Variants in ALS2CL observed in about 807,000 individuals in gnomAD.
ALS2CL encodes ALS2 C-terminal-like protein.
Under a neutral mutation model 127.9 loss-of-function variants are expected in ALS2CL, and 112 were observed. That is an observed-to-expected ratio of 0.88 (90% CI 0.75 to 1.02). The LOEUF (loss-of-function observed/expected upper bound fraction) is 1.02, where lower values mean the gene tolerates loss of function less well. Ranked by LOEUF, ALS2CL falls within the 50% of genes least tolerant of loss-of-function variation. The pLI is 0.00. For missense variants in ALS2CL, 1,174 were observed against 1,236.7 expected, an observed-to-expected ratio of 0.95 and a Z score of 0.76; for synonymous variants, 519 against 527.6, an observed-to-expected ratio of 0.98 and a Z score of 0.22.
At position 46,686,032 on chromosome 3, in the gene ALS2CL, G is replaced by A. The variant is rs1055293516; in HGVS notation, c.666+276C>T. Among the ~76,000 whole-genome samples the A allele has an allele frequency of 7.9e-5, 12 of 152,312 alleles. No homozygotes were observed. Among genetic ancestry groups the A allele is most frequent in the Non-Finnish European group, 1.3e-4 (9 of 68,024 alleles). The stretch of plus-strand genomic sequence containing the variant: ...AGTCCATGCCATGGTGGGCAGTGAC[G>A]CAAGGGTGTGATCGGTGATATCCCC... On this transcript the variant is annotated intron_variant, in intron 6 of 25. Coordinates refer to ENST00000318962, the MANE Select transcript of ALS2CL (RefSeq NM_147129.5). The surrounding 1 kb of genome is among the most constrained non-coding windows in gnomAD (Gnocchi z 4.3).
rs76720862 is a variant in ALS2CL, at chr3:46,677,501, G to A, written c.1758-479C>T. 7.9e-3 allele frequency: 5,475 copies of A among 689,618 alleles called. 237 individuals are homozygous for A. The African/African-American group carries it at 0.098, about 12-fold the overall frequency. The allele number at this position is 689,618 out of a possible 1,614,324, so 42.7% of individuals were successfully genotyped here. A position where few individuals can be genotyped will look rare whatever the true frequency, so the allele number is the denominator to read the frequency against. On this transcript the variant is annotated intron_variant, in intron 16 of 25. Coordinates refer to ENST00000318962, the MANE Select transcript of ALS2CL (RefSeq NM_147129.5). Reference sequence around the variant, plus strand: ...CCAGTGTCATGCTCGTAGGCTACACGCAGCCCACACTCACACCCAGGCTGG... The same window carrying A: ...CCAGTGTCATGCTCGTAGGCTACACACAGCCCACACTCACACCCAGGCTGG...
At position 46,688,286 on chromosome 3, in the gene ALS2CL, G is replaced by A. The variant is rs768758021; in HGVS notation, c.114C>T (p.Pro38=). The A allele has an allele frequency of 3.1e-6, 5 of 1,612,458 alleles. No homozygotes were observed. In the African/African-American group the frequency reaches 6.7e-5, roughly 22 times the overall value. Residue 38 remains proline (P), a synonymous_variant, in exon 3 of 26, where the codon CCC becomes CCT. Transcript: ENST00000318962. ...LQPLLPAAPD[P]SDPWGRECLR... ...GGCACTCTCTGCCCCAGGGATCCGA[G>A]GGATCTGGGGCTGGGGAAGGAGTAC...
Position 46,687,667 on chromosome 3 carries a change from G to C in ALS2CL, c.320C>G (p.Thr107Arg). ...GAAGGCCTGCACCACCATGCAGCTT[G>C]TGTAGGACTCAATGTACCTGCAGGC... is the stretch of plus-strand genomic sequence containing the variant. ...QAHIEYIESY[T>R]SCMVVQAFQK... Residue 107 changes from threonine to arginine, a missense_variant, in exon 4 of 26, where the codon ACA (threonine) becomes AGA (arginine). Coordinates refer to ENST00000318962, the MANE Select transcript of ALS2CL (RefSeq NM_147129.5). 6.2e-7 allele frequency: 1 copy of C among 1,613,148 alleles called. No homozygotes were observed. Among genetic ancestry groups the C allele is most frequent in the Non-Finnish European group, 8.5e-7 (1 of 1,179,682 alleles).
rs1412279471 is a variant in ALS2CL at position 46,677,220 on chromosome 3, G to A, written c.1758-198C>T. On this transcript the variant is annotated intron_variant, in intron 16 of 25. Transcript: ENST00000318962. ...AGGAAGAGCAGCAGAGAAAGGGACA[G>A]AGAATCTACCCTGCGACGAGAAGAC... is the stretch of plus-strand genomic sequence containing the variant. The A allele has an allele frequency of 7.8e-6, 11 of 1,416,522 alleles. No homozygotes were observed. The East Asian group carries it at 2.3e-4, about 30-fold the overall frequency. The allele number at this position is 1,416,522 out of a possible 1,614,324, so 87.7% of individuals were successfully genotyped here.
chr3:46,693,481 TATCTTA>T (rs1367801390), intron 1 of ALS2CL, 156 bp downstream of exon 1: 4 of 152,398 alleles, frequency 2.6e-5, no homozygotes, highest in African/African-American at 9.7e-5. Context: ...GTGAGCGGGG[TATCTTA>T]CGAGGGACTC....
intron 13 of ALS2CL, chr3:46,680,914 A>G (rs2106718336): frequency 1.8e-6 from 1 of 544,988 alleles, no homozygotes; most frequent in African/African-American, 1.9e-5. Context: ...GAAGCAGGCG[A>G]GGCTGTGATT....
intron 3 of ALS2CL, 75 bp downstream of exon 3, chr3:46,688,023 C>T (rs113816775): frequency 1.7e-5 from 27 of 1,548,788 alleles, no homozygotes; most frequent in African/African-American, 1.6e-4. Context: ...TGAGCCCCAA[C>T]CCCAGGTGAA....
intron 22 of ALS2CL, among the ~76,000 whole-genome samples, chr3:46,673,011 GTAAATAAA>G (rs1197026829): frequency 4.6e-5 from 7 of 152,128 alleles, no homozygotes; most frequent in African/African-American, 1.7e-4. Flanking sequence ...TTCTCGAAAA[GTAAATAAA>G]TAAATAAATA....
At position 46,671,653 on chromosome 3, in the gene ALS2CL, T is replaced by G. The variant is rs565705791; in HGVS notation, c.2685-69A>C. 310 of 1,610,118 alleles carry G rather than the reference T, an allele frequency of 1.9e-4. 1 individual carries two copies. In the African/African-American group the frequency reaches 3.5e-3, roughly 18 times the overall value. ...AAGAGGCCTGTCGCGGACAGGCAGC[T>G]GGGGAAGGAGCGCTGGCCTGGATGG... is the stretch of plus-strand genomic sequence containing the variant. On this transcript the variant is annotated intron_variant, in intron 24 of 25. Transcript: ENST00000318962.
rs774018190 is a variant in ALS2CL at position 46,686,808 on chromosome 3, A to G, written c.534+175T>C. On this transcript the variant is annotated intron_variant, in intron 5 of 25. Coordinates refer to ENST00000318962, the MANE Select transcript of ALS2CL (RefSeq NM_147129.5). The surrounding 1 kb of genome is among the most constrained non-coding windows in gnomAD (Gnocchi z 4.3). ...TCCTCAGGGCTGGGCCACGTCCCCC[A>G]TGTCCCCTGAAAACCACAGGACAGG... 2.0e-5 allele frequency among the ~76,000 whole-genome samples: 3 copies of G among 151,766 alleles called. No homozygotes were observed. Among genetic ancestry groups the G allele is most frequent in the African/African-American group, 7.3e-5 (3 of 41,270 alleles).
At chr3:46,675,534 C>A in intron 20 of ALS2CL, 84 bp downstream of exon 20, 1 of 1,337,004 alleles carries the variant, frequency 7.5e-7, no homozygotes. Context: ...CCAGAAGCAC[C>A]TCTTTCCCCA....
intron 20 of ALS2CL, 106 bp from the exon 21 acceptor site, chr3:46,674,845 G>A (rs1054864998): frequency 2.6e-5 from 30 of 1,169,176 alleles, no homozygotes; most frequent in Non-Finnish European, 3.0e-5. Flanking sequence ...ACAGTGTCCT[G>A]GCCTCCAGCC....
chr3:46,680,137 C>CCG, intron 14 of ALS2CL: 1 of 396,046 alleles, frequency 2.5e-6, no homozygotes, highest in Admixed American at 3.6e-5. Flanking sequence ...TGAATGTCAG[C>CCG]TAATGCATCA....
Position 46,687,065 on chromosome 3 carries a change from C to A in ALS2CL, c.452G>T (p.Gly151Val). The A allele has an allele frequency of 6.3e-7, 1 of 1,596,916 alleles. No individual in the cohort carries two copies. The highest frequency in any genetic ancestry group is 8.5e-7 in the Non-Finnish European group (1 of 1,177,578). ...SSEGSVGASL[G>V]QALHQPLAHH... ...GGCGAGTGGCTGGTGGAGGGCCTGG[C>A]CCAGCGATGCGCCCACCGAGCCCTC... The change falls in exon 5 of 26, where the codon GGC (glycine) becomes GTC (valine). Residue 151 changes from glycine to valine, a missense_variant. Transcript: ENST00000318962.
At position 46,685,582 on chromosome 3, in the gene ALS2CL, G is replaced by A. The variant is rs766776454; in HGVS notation, c.729C>T (p.Val243=). ...GCACACGCTCAGCCCGCAACGGTGC[G>A]ACCGTCACGGGTACGTCCTGGCTGT... The part of the protein sequence containing the change: ...LQDSQDVPVT[V]APLRAERVLL... The change falls in exon 7 of 26, where the codon GTC becomes GTT. Residue 243 remains valine, a synonymous_variant. Coordinates refer to ENST00000318962, the MANE Select transcript of ALS2CL (RefSeq NM_147129.5). 23 of 1,613,964 alleles carry A rather than the reference G, an allele frequency of 1.4e-5. No individual in the cohort carries two copies. In the South Asian group the frequency reaches 1.6e-4, roughly 12 times the overall value.
rs1410149487 is a variant in ALS2CL, at chr3:46,686,830, C to T, written c.534+153G>A. ...CCCATGTCCCCTGAAAACCACAGGACAGGCCTGTGACTTCCTCAACCCTCT... is the reference window on the plus strand; with the variant it reads ...CCCATGTCCCCTGAAAACCACAGGATAGGCCTGTGACTTCCTCAACCCTCT... On this transcript the variant is annotated intron_variant, in intron 5 of 25. Coordinates refer to ENST00000318962, the MANE Select transcript of ALS2CL (RefSeq NM_147129.5). The surrounding 1 kb of genome is among the most constrained non-coding windows in gnomAD (Gnocchi z 4.3). 2.0e-5 allele frequency among the ~76,000 whole-genome samples: 3 copies of T among 152,140 alleles called. No individual in the cohort carries two copies. Among genetic ancestry groups the T allele is most frequent in the African/African-American group, 2.4e-5 (1 of 41,430 alleles).
intron 16 of ALS2CL, among the ~76,000 whole-genome samples, chr3:46,677,947 A>AT (rs139251541): frequency 0.067 from 6,576 of 98,408 alleles, 428 homozygotes; most frequent in African/African-American, 0.2. Context: ...CTTATTTTCT[A>AT]TTTTTTTTTT....
chr3:46,670,015 TACG>T lies in ALS2CL; in HGVS notation c.*966_*968del, dbSNP rs1698271312. The T allele has an allele frequency of 1.3e-5, 2 of 152,340 alleles. No homozygotes were observed. Among genetic ancestry groups the T allele is most frequent in the Admixed American group, 1.3e-4 (2 of 15,274 alleles). The allele number at this position is 152,340 out of a possible 1,614,324, so 9.4% of individuals were successfully genotyped here. A position where few individuals can be genotyped will look rare whatever the true frequency, so the allele number is the denominator to read the frequency against. ...ACCCTGCACAAATCCACCCTCTCCC[TACG>T]CTTTGCCCTGGACACTTTCAGAACA... On this transcript the variant is annotated 3_prime_UTR_variant, in exon 26 of 26. Transcript: ENST00000318962. The surrounding 1 kb of genome is among the most constrained non-coding windows in gnomAD (Gnocchi z 5.5).
intron 13 of ALS2CL, chr3:46,680,811 T>C (rs1699259490): frequency 7.5e-6 from 4 of 534,702 alleles, no homozygotes; most frequent in South Asian, 2.2e-5. Context: ...TGCAAAGCCA[T>C]GGAGGTAGGA....
Sources: gnomAD v4.1 joint callset for allele counts (sites outside exome capture counted in the v4.1 genomes callset) on GRCh38, gnomAD v4.1.1 for gene constraint, Gnocchi (gnomAD v3.1) non-coding constraint, MANE v1.5 for transcripts, NCBI Gene and HGNC (gene_info 2026-07-23, HGNC 2026-07-21) for gene names.